Variants in WNK2 observed in about 807,000 individuals in gnomAD.
The protein encoded by WNK2 is WNK lysine deficient protein kinase 2, also known as serine/threonine-protein kinase WNK2.
A neutral mutation model predicts 192.1 loss-of-function variants in WNK2; 67 were observed. The ratio of observed to expected loss-of-function variants is 0.35; its 90% CI spans 0.29 to 0.43. The LOEUF (loss-of-function observed/expected upper bound fraction) is 0.43, where lower values mean the gene tolerates loss of function less well. Among genes scored for constraint, WNK2 ranks in the 20% least tolerant of loss-of-function variants. WNK2 has a pLI of 1.00. For missense variants in WNK2, 2,698 were observed against 3,089.7 expected (o/e 0.87, Z 3.01); for synonymous variants, 1,439 against 1,393.9 (o/e 1.03, Z -0.72).
intron 2 of WNK2, among the ~76,000 whole-genome samples, chr9:93,228,790 T>G (rs561952618): frequency 6.6e-6 from 1 of 151,988 alleles, no homozygotes; most frequent in South Asian, 2.1e-4. Context: ...ATTGAAGTAT[T>G]TGGGGGAAGG....
Position 93,292,631 on chromosome 9 carries a change from C to A in WNK2, c.5166C>A (p.Gly1722=). The part of the protein sequence containing the change: ...GGQASHPQTL[G]ARALGSPRKR... ...AGGCTAGCCACCCCCAGACACTCGG[C>A]GCTCGAGCTTTGGGGTCCCCTCGGA... is the stretch of plus-strand genomic sequence containing the variant. Residue 1722 remains glycine, a synonymous_variant, in exon 23 of 30, where the codon GGC becomes GGA. Coordinates refer to ENST00000427277, the MANE Select transcript of WNK2 (RefSeq NM_006648.4). 6.3e-7 allele frequency: 1 copy of A among 1,582,774 alleles called. No individual in the cohort carries two copies. The highest frequency in any genetic ancestry group is 8.6e-7 in the Non-Finnish European group (1 of 1,164,806).
At chr9:93,290,364 T>G (rs935706398) in intron 21 of WNK2, among the ~76,000 whole-genome samples, 1 of 151,576 alleles carries the variant, frequency 6.6e-6, no homozygotes, top group Non-Finnish European at 1.5e-5. Context: ...TTAAAGCTCA[T>G]CAGTTATTGT....
intron 29 of WNK2, chr9:93,318,205 A>G (rs143563466): frequency 1.9e-4 from 283 of 1,482,424 alleles, no homozygotes; most frequent in Non-Finnish European, 2.4e-4. Context: ...TGGCTTGTGC[A>G]TTGATAATCT....
chr9:93,274,342 C>G (rs1588364157), intron 19 of WNK2, among the ~76,000 whole-genome samples: 1 of 152,000 alleles, frequency 6.6e-6, no homozygotes, highest in African/African-American at 2.4e-5. Context: ...GAAACCCCGT[C>G]TCTACTAAAA....
Position 93,222,097 on chromosome 9 carries a change from G to A in WNK2, c.682-7599G>A, listed in dbSNP as rs570364853. Among the ~76,000 whole-genome samples, 175 of 135,942 alleles carry A rather than the reference G, an allele frequency of 1.3e-3. 1 individual carries two copies. The highest frequency in any genetic ancestry group is 3.5e-3 in the Middle Eastern group (1 of 284). 89.2% of individuals were successfully genotyped at this position (135,942 alleles called of 152,430 possible). ...AGGGTGAGTACCGGTGTGTATGTGC[G>A]GGCGGCAGGGTCCCAGGTGGCCTTT... is the stretch of plus-strand genomic sequence containing the variant. On this transcript the variant is annotated intron_variant, in intron 2 of 29. Coordinates refer to ENST00000427277, the MANE Select transcript of WNK2 (RefSeq NM_006648.4).
At chr9:93,293,271 C>T in intron 23 of WNK2, 98 bp downstream of exon 23, 3 of 1,195,722 alleles carry the variant, frequency 2.5e-6, no homozygotes, top group Non-Finnish European at 3.3e-6. Flanking sequence ...AAGTCCTGGC[C>T]AAGCAGCGCC....
Position 93,238,317 on chromosome 9 carries a change from G to A in WNK2, c.1318G>A (p.Glu440Lys), listed in dbSNP as rs763861327. 2 of 1,613,912 alleles carry A rather than the reference G, an allele frequency of 1.2e-6. No homozygotes were observed. The highest frequency in any genetic ancestry group is 2.2e-5 in the South Asian group (2 of 91,078). Reference protein sequence around the residue: ...IGECICKNKEERYEIKDLLSH... With the variant: ...IGECICKNKEKRYEIKDLLSH... ...GGAGTGTATCTGCAAAAACAAGGAGGAAAGGTGAGTTCCCCTGAAGGGCTG... is the reference window on the plus strand; with the variant it reads ...GGAGTGTATCTGCAAAAACAAGGAGAAAAGGTGAGTTCCCCTGAAGGGCTG... The change falls in exon 6 of 30, where the codon GAA (glutamate) becomes AAA (lysine). Residue 440 changes from glutamate to lysine, a missense_variant. Physicochemically the swap from Glu to Lys is moderately conservative, Grantham distance 56. Around this residue, in one of 7 missense-constraint regions of WNK2, gnomAD observed 230 missense variants for 501.1 expected, o/e 0.46. Coordinates refer to ENST00000427277, the MANE Select transcript of WNK2 (RefSeq NM_006648.4).
At chr9:93,241,760 TG>T (rs1393259696) in intron 7 of WNK2, among the ~76,000 whole-genome samples, 4 of 152,112 alleles carry the variant, frequency 2.6e-5, no homozygotes, top group African/African-American at 9.7e-5. Flanking sequence ...TCCTTGTCCA[TG>T]GGGGCACTGG....
intron 6 of WNK2, among the ~76,000 whole-genome samples, chr9:93,238,645 GC>G (rs1840223890): frequency 6.6e-6 from 1 of 152,218 alleles, no homozygotes; most frequent in South Asian, 2.1e-4. Context: ...TAGCATCTGA[GC>G]ACCTGGGGCT....
At position 93,267,881 on chromosome 9, in the gene WNK2, C is replaced by G. The variant is rs1305304876; in HGVS notation, c.3832C>G (p.Pro1278Ala). 6.2e-7 allele frequency: 1 copy of G among 1,612,766 alleles called. No individual in the cohort carries two copies. ...DRGSDPGTSP[P>A]HLSTCGLGTG... ...TGGCTCCGACCCAGGGACCAGCCCG[C>G]CACACCTCAGCACCTGCGGCCTGGG... The change falls in exon 17 of 30, where the codon CCA becomes GCA. Residue 1278 changes from proline (P) to alanine (A), a missense_variant. By Grantham distance (27) the Pro-to-Ala change is conservative. Around this residue, in one of 7 missense-constraint regions of WNK2, gnomAD observed 1,098 missense variants for 1,101.0 expected, o/e 1.00. Transcript: ENST00000427277.
chr9:93,294,773 G>T (rs1849969292), intron 23 of WNK2, among the ~76,000 whole-genome samples: 1 of 152,024 alleles, frequency 6.6e-6, no homozygotes, highest in Non-Finnish European at 1.5e-5. Flanking sequence ...GGCAGGTGGG[G>T]TCTAGGGAAA....
At position 93,268,450 on chromosome 9, in the gene WNK2, G is replaced by A. The variant is rs556290992; in HGVS notation, c.3914-177G>A. On this transcript the variant is annotated intron_variant, in intron 18 of 29. Coordinates refer to ENST00000427277, the MANE Select transcript of WNK2 (RefSeq NM_006648.4). ...AACCACCTGCTTCGTGGAGGGAAGC[G>A]TTGGGGATTAATGACTGGGAACAGT... is the stretch of plus-strand genomic sequence containing the variant. 1.1e-4 allele frequency among the ~76,000 whole-genome samples: 17 copies of A among 152,218 alleles called. 1 individual carries two copies. In the East Asian group the frequency reaches 1.9e-3, roughly 17 times the overall value.
chr9:93,254,257 G>T (rs781417572), intron 9 of WNK2, among the ~76,000 whole-genome samples: 13 of 152,178 alleles, frequency 8.5e-5, no homozygotes, highest in Non-Finnish European at 1.9e-4. Context: ...CCTACTGTGT[G>T]AGCCAGGAAA....
intron 28 of WNK2, among the ~76,000 whole-genome samples, chr9:93,315,319 T>A (rs1278585019): frequency 6.6e-6 from 1 of 152,230 alleles, no homozygotes; most frequent in African/African-American, 2.4e-5. Flanking sequence ...GAGCTGTCTG[T>A]GGTGTTGGCC....
Position 93,299,070 on chromosome 9 carries a change from G to A in WNK2, c.5924G>A (p.Gly1975Asp). ...RQLKVVASST[G>D]HLADSSRGPP... ...TGTCGCCTCTTCTCCCCCCGCCCAG[G>A]TCACTTGGCTGACTCCAGCAGAGGC... is the stretch of plus-strand genomic sequence containing the variant. Residue 1975 changes from glycine to aspartate, a missense_variant and splice_region_variant, in exon 25 of 30, where the codon GGT becomes GAT. Transcript: ENST00000427277. 1 of 1,609,280 alleles carries A rather than the reference G, an allele frequency of 6.2e-7. No homozygotes were observed. The highest frequency in any genetic ancestry group is 8.5e-7 in the Non-Finnish European group (1 of 1,178,810).
intron 29 of WNK2, chr9:93,319,065 GC>G: frequency 6.2e-7 from 1 of 1,611,442 alleles, no homozygotes; most frequent in Non-Finnish European, 8.5e-7. Context: ...GGGCCCCCTT[GC>G]CCTGTTCCTT....
intron 2 of WNK2, among the ~76,000 whole-genome samples, chr9:93,201,481 T>G (rs1832347435): frequency 6.6e-6 from 1 of 152,250 alleles, no homozygotes; most frequent in African/African-American, 2.4e-5. Flanking sequence ...AGGCTCATTC[T>G]TCCTGCTGTA....
intron 28 of WNK2, chr9:93,317,204 A>G: frequency 2.1e-6 from 1 of 482,644 alleles, no homozygotes; most frequent in Non-Finnish European, 3.8e-6. Flanking sequence ...GAGTAGAGGC[A>G]TGTGGGGTCA....
intron 8 of WNK2, among the ~76,000 whole-genome samples, chr9:93,251,154 C>T (rs1270874935): frequency 4.6e-5 from 7 of 151,838 alleles, no homozygotes; most frequent in African/African-American, 1.7e-4. Flanking sequence ...CTCGCTCTGT[C>T]ACCCAGGCTG....
Sources: gnomAD v4.1 joint callset for allele counts (sites outside exome capture counted in the v4.1 genomes callset) on GRCh38, gnomAD v4.1.1 for gene constraint, gnomAD v4.1.1 regional missense constraint, MANE v1.5 for transcripts, NCBI Gene and HGNC (gene_info 2026-07-23, HGNC 2026-07-21) for gene names.